The following SLIT3 variants were observed in gnomAD, a reference collection of about 807,000 sequenced individuals.
The protein encoded by SLIT3 is slit guidance ligand 3.
SLIT3 carries 68 observed loss-of-function variants against 184.0 expected under a neutral mutation model. That is an observed-to-expected ratio of 0.37 (90% CI 0.30 to 0.45). The LOEUF is 0.45. Ranked by LOEUF, SLIT3 falls within the 20% of genes least tolerant of loss-of-function variation. SLIT3 has a pLI of 1.00. For missense variants in SLIT3, 1,707 were observed against 2,026.0 expected, an observed-to-expected ratio of 0.84 and a Z score of 3.02; for synonymous variants, 831 against 828.6, an observed-to-expected ratio of 1.00 and a Z score of -0.05.
intron 14 of SLIT3, among the ~76,000 whole-genome samples, chr5:168,766,278 T>A (rs1447206453): frequency 1.3e-5 from 2 of 152,076 alleles, no homozygotes; most frequent in Non-Finnish European, 2.9e-5. Flanking sequence ...ATGAGTGGAA[T>A]AAAAGAAAGG....
intron 6 of SLIT3, among the ~76,000 whole-genome samples, chr5:168,833,752 G>A (rs569136671): frequency 6.6e-6 from 1 of 152,330 alleles, no homozygotes; most frequent in South Asian, 2.1e-4. Flanking sequence ...CAAAAGACCT[G>A]CTTTCTGGCC....
chr5:169,050,968 C>T (rs1757795214), intron 4 of SLIT3, among the ~76,000 whole-genome samples: 1 of 152,220 alleles, frequency 6.6e-6, no homozygotes, highest in African/African-American at 2.4e-5. Flanking sequence ...GGTTATCTGA[C>T]ATAACTTCTC....
chr5:169,127,437 C>T (rs1387023958), intron 4 of SLIT3, among the ~76,000 whole-genome samples: 4 of 152,170 alleles, frequency 2.6e-5, no homozygotes, highest in Non-Finnish European at 5.9e-5. Context: ...GCCCTGAACT[C>T]AAGTTGAATG....
At chr5:169,182,303 C>T (rs1328320766) in intron 4 of SLIT3, among the ~76,000 whole-genome samples, 4 of 152,220 alleles carry the variant, frequency 2.6e-5, no homozygotes, top group South Asian at 2.1e-4. Flanking sequence ...TTGACTTAAA[C>T]GTCTCCATTT....
At chr5:168,870,124 G>C (rs1759458702) in intron 5 of SLIT3, among the ~76,000 whole-genome samples, 1 of 152,240 alleles carries the variant, frequency 6.6e-6, no homozygotes, top group South Asian at 2.1e-4. Flanking sequence ...TTGCGGCAGA[G>C]ATCTCAGGCT....
chr5:169,053,905 T>C (rs1053221291), intron 4 of SLIT3, among the ~76,000 whole-genome samples: 16 of 151,930 alleles, frequency 1.1e-4, no homozygotes, highest in Admixed American at 9.2e-4. Flanking sequence ...CTGGCCAACA[T>C]GGTGAAACCC....
At chr5:169,093,058 ATT>A (rs1032873357) in intron 4 of SLIT3, among the ~76,000 whole-genome samples, 3 of 152,186 alleles carry the variant, frequency 2.0e-5, no homozygotes, top group Admixed American at 1.3e-4. Flanking sequence ...AGTTGGATAT[ATT>A]TGTTAGGCCT....
intron 6 of SLIT3, among the ~76,000 whole-genome samples, chr5:168,832,315 G>A (rs1178399227): frequency 6.6e-6 from 1 of 152,176 alleles, no homozygotes; most frequent in Non-Finnish European, 1.5e-5. Flanking sequence ...CACCTCAGCT[G>A]CATTTGGTGC....
intron 20 of SLIT3, among the ~76,000 whole-genome samples, chr5:168,735,005 C>T (rs1763388486): frequency 6.6e-6 from 1 of 152,146 alleles, no homozygotes; most frequent in African/African-American, 2.4e-5. Context: ...GGGGAGAGCT[C>T]TCTTTGTAGC....
chr5:168,858,708 C>G (rs563138928), intron 5 of SLIT3, among the ~76,000 whole-genome samples: 102 of 152,370 alleles, frequency 6.7e-4, no homozygotes, highest in African/African-American at 2.4e-3. Context: ...TCTTCCTATA[C>G]TTCCTTAAGC....
intron 4 of SLIT3, among the ~76,000 whole-genome samples, chr5:169,116,508 A>G (rs1760669962): frequency 6.6e-6 from 1 of 152,224 alleles, no homozygotes; most frequent in Non-Finnish European, 1.5e-5. Flanking sequence ...TGAGGACAGA[A>G]AACCCAGAAA....
chr5:169,022,111 C>G (rs752329773), intron 4 of SLIT3: 2 of 152,244 alleles, frequency 1.3e-5, no homozygotes, highest in African/African-American at 4.8e-5. Flanking sequence ...CTGAGAATTC[C>G]CTTGCCTCCA....
intron 20 of SLIT3, among the ~76,000 whole-genome samples, chr5:168,724,807 A>C (rs149374131): frequency 5.3e-5 from 8 of 152,306 alleles, no homozygotes; most frequent in African/African-American, 1.9e-4. Flanking sequence ...TTTAATAAAT[A>C]AAGCACTCAT....
intron 4 of SLIT3, among the ~76,000 whole-genome samples, chr5:169,025,225 A>T (rs1756769523): frequency 6.6e-6 from 1 of 152,192 alleles, no homozygotes; most frequent in Non-Finnish European, 1.5e-5. Context: ...TCCATCTGGA[A>T]TTTTAAAGAC....
intron 4 of SLIT3, among the ~76,000 whole-genome samples, chr5:169,002,080 G>A (rs1246198944): frequency 2.0e-5 from 3 of 151,932 alleles, no homozygotes; most frequent in Non-Finnish European, 2.9e-5. Context: ...TTGAGAGGCC[G>A]AGGCAGGCAG....
chr5:168,838,244 T>C (rs73805242), intron 6 of SLIT3, among the ~76,000 whole-genome samples: 9,575 of 152,220 alleles, frequency 0.063, 995 homozygotes, highest in African/African-American at 0.22. Context: ...CCCCTCGTAC[T>C]TGCCACTGTG....
intron 8 of SLIT3, among the ~76,000 whole-genome samples, chr5:168,809,245 C>T (rs541659561): frequency 3.0e-4 from 45 of 152,262 alleles, no homozygotes; most frequent in African/African-American, 1.0e-3. Flanking sequence ...CTGGGTCTTC[C>T]GCAGGGTGAC....
At chr5:169,277,718 T>C (rs1766860237) in intron 1 of SLIT3, among the ~76,000 whole-genome samples, 1 of 152,376 alleles carries the variant, frequency 6.6e-6, no homozygotes, top group South Asian at 2.1e-4. Flanking sequence ...GCAATGAAAG[T>C]TGGCACACAA....
chr5:169,292,511 AT>A (rs1026059533), intron 1 of SLIT3, among the ~76,000 whole-genome samples: 7 of 152,060 alleles, frequency 4.6e-5, no homozygotes, highest in Admixed American at 2.0e-4. Flanking sequence ...AGACCTCAAC[AT>A]TTTTTTCCAT....
Sources: allele counts gnomAD v4.1 joint callset (sites outside exome capture counted in the v4.1 genomes callset), GRCh38; gene constraint gnomAD v4.1.1; transcripts MANE v1.5; gene names NCBI Gene and HGNC (gene_info 2026-07-23, HGNC 2026-07-21).